MAP3K4: variants seen among roughly 807,000 people sequenced by gnomAD.
The protein encoded by MAP3K4 is MAP three kinase 1.
Under a neutral mutation model 185.6 loss-of-function variants are expected in MAP3K4, and 67 were observed. The ratio of observed to expected loss-of-function variants is 0.36; its 90% CI spans 0.30 to 0.44. The LOEUF is 0.44. Among genes scored for constraint, MAP3K4 ranks in the 20% least tolerant of loss-of-function variants. MAP3K4 has a pLI of 1.00. For synonymous variants in MAP3K4, 702 were observed against 710.4 expected (o/e 0.99, Z 0.19); for missense variants, 1,551 against 1,995.1 (o/e 0.78, Z 4.24).
rs890960474 is a variant in MAP3K4 at position 161,108,729 on chromosome 6, A to G, written c.4120-14A>G. 6.6e-7 allele frequency: 1 copy of G among 1,507,096 alleles called. No individual in the cohort carries two copies. Among genetic ancestry groups the G allele is most frequent in the Non-Finnish European group, 9.2e-7 (1 of 1,082,548 alleles). The allele number at this position is 1,507,096 out of a possible 1,614,324, so 93.4% of individuals were successfully genotyped here. A position where few individuals can be genotyped will look rare whatever the true frequency, so the allele number is the denominator to read the frequency against. On this transcript the variant is annotated splice_polypyrimidine_tract_variant and intron_variant, in intron 21 of 26. Transcript: ENST00000392142. The surrounding 1 kb of genome is among the most constrained non-coding windows in gnomAD (Gnocchi z 5.7). ...AATCAAGCCAGTTAACATTTTTGTC[A>G]CCTCACTTTACAGATTCGATTTCAA...
rs991066563 is a variant in MAP3K4, at chr6:161,008,961, A to G, written c.152+16878A>G. On this transcript the variant is annotated intron_variant, in intron 1 of 26. Transcript: ENST00000392142. The surrounding 1 kb of genome is among the most constrained non-coding windows in gnomAD (Gnocchi z 4.1). ...ACCCATTGTATAAATGTATCATGGC[A>G]TATTCATTTTTTTAAACCATCTGAA... 6.7e-6 allele frequency among the ~76,000 whole-genome samples: 1 copy of G among 150,242 alleles called. No homozygotes were observed. Among genetic ancestry groups the G allele is most frequent in the Admixed American group, 6.6e-5 (1 of 15,104 alleles).
In MAP3K4 at chr6:161,034,488, T is replaced by A; in HGVS notation, c.343+39T>A. 1.0e-5 allele frequency: 14 copies of A among 1,371,620 alleles called. No individual in the cohort carries two copies. The highest frequency in any genetic ancestry group is 2.3e-5 in the East Asian group (1 of 43,038). 85.0% of individuals were successfully genotyped at this position (1,371,620 alleles called of 1,614,324 possible). On this transcript the variant is annotated intron_variant, in intron 2 of 26. Transcript: ENST00000392142. This position sits in a 1 kb window ranked among gnomAD's most constrained non-coding sequence, Gnocchi z 4.4. ...TTGAAAAGAGGTGTACATGAGAGGGTATGGCACTTGATTGATTCTTTCAAC... is the reference window on the plus strand; with the variant it reads ...TTGAAAAGAGGTGTACATGAGAGGGAATGGCACTTGATTGATTCTTTCAAC...
chr6:161,046,937 T>TTATTA (rs1362436644), intron 2 of MAP3K4, among the ~76,000 whole-genome samples: 1 of 147,566 alleles, frequency 6.8e-6, no homozygotes, highest in Non-Finnish European at 1.5e-5. Context: ...CTTAGTATAA[T>TTATTA]TATTATATTA....
rs1297333314 is a variant in MAP3K4 at position 161,090,689 on chromosome 6, G to A, written c.2974-690G>A. Among the ~76,000 whole-genome samples, 2 of 52,494 alleles carry A rather than the reference G, an allele frequency of 3.8e-5. 1 individual carries two copies. The highest frequency in any genetic ancestry group is 0.011 in the East Asian group (2 of 186). The allele number at this position is 52,494 out of a possible 152,430, so 34.4% of individuals were successfully genotyped here. A position where few individuals can be genotyped will look rare whatever the true frequency, so the allele number is the denominator to read the frequency against. On this transcript the variant is annotated intron_variant, in intron 11 of 26. Coordinates refer to ENST00000392142, the MANE Select transcript of MAP3K4 (RefSeq NM_005922.4). ...CTCTTGGATGTGGACGTTTGGGCCC[G>A]TAATTCTTGGTCGTGGAGGGCCGCC...
rs990831761 is a variant in MAP3K4, at chr6:160,991,840, G to C, written c.-92G>C. 7 of 1,352,750 alleles carry C rather than the reference G, an allele frequency of 5.2e-6. No individual in the cohort carries two copies. Among genetic ancestry groups the C allele is most frequent in the Non-Finnish European group, 6.7e-6 (7 of 1,051,574 alleles). The allele number at this position is 1,352,750 out of a possible 1,614,324, so 83.8% of individuals were successfully genotyped here. On this transcript the variant is annotated 5_prime_UTR_variant, in exon 1 of 27. Transcript: ENST00000392142. The surrounding 1 kb of genome is among the most constrained non-coding windows in gnomAD (Gnocchi z 5.7). Reference sequence around the variant, plus strand: ...CTGCGGCGGGGTAGAGGCGGAGGCGGAGTCGAGTCACTCCCGCACTTCGGG... The same window carrying C: ...CTGCGGCGGGGTAGAGGCGGAGGCGCAGTCGAGTCACTCCCGCACTTCGGG...
chr6:160,992,154 C>T (rs894380688), intron 1 of MAP3K4, 71 bp downstream of exon 1: 5 of 1,428,734 alleles, frequency 3.5e-6, no homozygotes, highest in Non-Finnish European at 1.8e-6. Context: ...CGGTCGGGCC[C>T]GAGGGCCTCT....
chr6:161,023,477 C>T (rs1782496573), intron 1 of MAP3K4, among the ~76,000 whole-genome samples: 1 of 152,200 alleles, frequency 6.6e-6, no homozygotes, highest in Non-Finnish European at 1.5e-5. Flanking sequence ...ATGCTAACTT[C>T]TCCATGAGGA....
intron 3 of MAP3K4, among the ~76,000 whole-genome samples, chr6:161,057,068 A>C (rs1432177503): frequency 6.6e-6 from 1 of 152,204 alleles, no homozygotes; most frequent in Non-Finnish European, 1.5e-5. Flanking sequence ...TGTTGCCTCA[A>C]ATACTGGGAA....
At chr6:161,046,690 A>T (rs1783743974) in intron 2 of MAP3K4, among the ~76,000 whole-genome samples, 1 of 151,322 alleles carries the variant, frequency 6.6e-6, no homozygotes, top group Non-Finnish European at 1.5e-5. Context: ...AAAAATCCTT[A>T]TTTTAAGACT....
At chr6:161,058,355 A>T (rs768117609) in intron 3 of MAP3K4, among the ~76,000 whole-genome samples, 1 of 152,174 alleles carries the variant, frequency 6.6e-6, no homozygotes, top group Admixed American at 6.5e-5. Flanking sequence ...CCAGGTTACC[A>T]CAGTATCCAT....
In MAP3K4 at chr6:161,064,172, T is replaced by G. The variant is rs563421920; in HGVS notation, c.1708-6436T>G. ...ATTTTCAATGAACGAAAGTGGGAAT[T>G]TTTATATAGTTTAACCTAATGCAGA... On this transcript the variant is annotated intron_variant, in intron 3 of 26. Coordinates refer to ENST00000392142, the MANE Select transcript of MAP3K4 (RefSeq NM_005922.4). The surrounding 1 kb of genome is among the most constrained non-coding windows in gnomAD (Gnocchi z 4.3). Among the ~76,000 whole-genome samples, 1 of 152,354 alleles carries G rather than the reference T, an allele frequency of 6.6e-6. No individual in the cohort carries two copies. Among genetic ancestry groups the G allele is most frequent in the Non-Finnish European group, 1.5e-5 (1 of 68,038 alleles).
intron 23 of MAP3K4, among the ~76,000 whole-genome samples, chr6:161,111,359 T>C (rs930158906): frequency 1.3e-5 from 2 of 152,254 alleles, no homozygotes; most frequent in Non-Finnish European, 2.9e-5. Context: ...TAGGAATATT[T>C]GAAAATTGCA....
chr6:161,059,081 T>C lies in MAP3K4; in HGVS notation c.1707+9102T>C, dbSNP rs548713701. Among the ~76,000 whole-genome samples, 49 of 152,244 alleles carry C rather than the reference T, an allele frequency of 3.2e-4. 1 individual carries two copies. Among genetic ancestry groups the C allele is most frequent in the South Asian group, 4.2e-4 (2 of 4,816 alleles). On this transcript the variant is annotated intron_variant, in intron 3 of 26. Coordinates refer to ENST00000392142, the MANE Select transcript of MAP3K4 (RefSeq NM_005922.4). ...ATACTTAAAACAGTGCAGGAGAAAT[T>C]TGATTTTTCCTCATTTTTATAACCA...
At chr6:161,026,532 T>C (rs1782669638) in intron 1 of MAP3K4, among the ~76,000 whole-genome samples, 1 of 152,158 alleles carries the variant, frequency 6.6e-6, no homozygotes, top group Admixed American at 6.5e-5. Flanking sequence ...AAGATATATA[T>C]AGACACACTC....
rs547561295 is a variant in MAP3K4 at position 161,084,462 on chromosome 6, G to C, written c.2256-39G>C. On this transcript the variant is annotated intron_variant, in intron 6 of 26. Coordinates refer to ENST00000392142, the MANE Select transcript of MAP3K4 (RefSeq NM_005922.4). The surrounding 1 kb of genome is among the most constrained non-coding windows in gnomAD (Gnocchi z 4.6). ...AAGAATTAGGCTATGAGTAGGGACA[G>C]TTTTCTTCTCTGTTTTATTTTTATT... 1.0e-6 allele frequency: 1 copy of C among 994,830 alleles called. No individual in the cohort carries two copies. The highest frequency in any genetic ancestry group is 1.6e-5 in the African/African-American group (1 of 63,460). 61.6% of individuals were successfully genotyped at this position (994,830 alleles called of 1,614,324 possible).
chr6:161,001,641 A>G (rs1337793136), intron 1 of MAP3K4, among the ~76,000 whole-genome samples: 1 of 152,176 alleles, frequency 6.6e-6, no homozygotes, highest in Non-Finnish European at 1.5e-5. Flanking sequence ...GCCTAACAGC[A>G]GGTTCTTTGC....
intron 5 of MAP3K4, among the ~76,000 whole-genome samples, chr6:161,079,433 C>A (rs1036500760): frequency 2.6e-5 from 4 of 151,156 alleles, no homozygotes; most frequent in Non-Finnish European, 5.9e-5. Context: ...CGAAATTAGC[C>A]AGTTGTGGTG....
At chr6:160,992,926 C>T (rs939664844) in intron 1 of MAP3K4, among the ~76,000 whole-genome samples, 1 of 151,996 alleles carries the variant, frequency 6.6e-6, no homozygotes, top group Non-Finnish European at 1.5e-5. Context: ...CCTTTGCATC[C>T]CAGAGTAAAC....
Position 161,107,940 on chromosome 6 carries a change from G to C in MAP3K4, c.4090G>C (p.Asp1364His). ...YGKVYTCISV[D>H]TGELMAMKEI... ...GAAGGTGTACACCTGCATCAGCGTC[G>C]ACACCGGGGAGCTGATGGCCATGAA... Residue 1364 changes from aspartate (D) to histidine (H), a missense_variant, in exon 21 of 27, where the codon GAC becomes CAC. Transcript: ENST00000392142. The surrounding 1 kb of genome is among the most constrained non-coding windows in gnomAD (Gnocchi z 6.2). The C allele has an allele frequency of 6.2e-7, 1 of 1,613,966 alleles. No homozygotes were observed. Among genetic ancestry groups the C allele is most frequent in the Non-Finnish European group, 8.5e-7 (1 of 1,180,006 alleles).
Sources: allele counts gnomAD v4.1 joint callset (sites outside exome capture counted in the v4.1 genomes callset), GRCh38; gene constraint gnomAD v4.1.1; non-coding constraint Gnocchi (gnomAD v3.1); transcripts MANE v1.5; gene names NCBI Gene and HGNC (gene_info 2026-07-23, HGNC 2026-07-21).